The following SZT2 variants were observed in gnomAD, a reference collection of about 807,000 sequenced individuals.
SZT2 encodes SZT2 subunit of KICSTOR complex, also known as KICSTOR complex protein SZT2.
SZT2 carries 216 observed loss-of-function variants against 404.2 expected under a neutral mutation model. The ratio of observed to expected loss-of-function variants is 0.53; its 90% confidence interval spans 0.48 to 0.60. The LOEUF (loss-of-function observed/expected upper bound fraction) is 0.60, where lower values mean the gene tolerates loss of function less well. Ranked by LOEUF, SZT2 falls within the 20% of genes least tolerant of loss-of-function variation. The pLI is 0.00. For synonymous variants in SZT2, 1,693 were observed against 1,749.9 expected (o/e 0.97, Z 0.81); for missense variants, 3,857 against 4,459.2 (o/e 0.86, Z 3.85).
Position 43,419,861 on chromosome 1 carries a change from T to G in SZT2, c.1007T>G (p.Leu336Arg), listed in dbSNP as rs766418139. ...TGTCCTGAGCCGGAGCCAGGCAACC[T>G]GGGTCTGACTGTCTACCACCGGGCA... is the stretch of plus-strand genomic sequence containing the variant. ...STCPEPEPGN[L>R]GLTVYHRAFL... is the part of the protein sequence containing the mutation. The change falls in exon 8 of 72, where the codon CTG (leucine) becomes CGG (arginine). Residue 336 changes from leucine to arginine, a missense_variant. Leu to Arg is a moderately radical substitution (Grantham distance 102). Around this residue, in one of 7 missense-constraint regions of SZT2, gnomAD observed 536 missense variants for 637.4 expected, o/e 0.84. Coordinates refer to ENST00000634258, the MANE Select transcript of SZT2 (RefSeq NM_001365999.1). 7 of 1,598,354 alleles carry G rather than the reference T, an allele frequency of 4.4e-6. No homozygotes were observed. The East Asian group carries it at 1.1e-4, about 25-fold the overall frequency.
rs57476239 is a variant in SZT2, at chr1:43,392,083, CAAAAAAAAAAAAAAAAAAAAAAAAAAAAA to C, written c.27+2104_27+2132del. The stretch of plus-strand genomic sequence containing the variant: ...TGGGCGACAGAGCGAGACTCCGTCT[CAAAAAAAAAAAAAAAAAAAAAAAAAAAAA>C]AAAAAAAAAAAAAAATGAAACAAAT... On this transcript the variant is annotated intron_variant, in intron 1 of 71. Transcript: ENST00000634258. 1.8e-3 allele frequency among the ~76,000 whole-genome samples: 6 copies of C among 3,378 alleles called. 1 individual carries two copies. The highest frequency in any genetic ancestry group is 2.4e-3 in the Non-Finnish European group (5 of 2,052). The allele number at this position is 3,378 out of a possible 152,430, so 2.2% of individuals were successfully genotyped here.
In SZT2 at chr1:43,404,228, A is replaced by G. The variant is rs544815853; in HGVS notation, c.328-152A>G. The G allele has an allele frequency of 1.5e-5, 10 of 669,450 alleles. No individual in the cohort carries two copies. In the South Asian group the frequency reaches 2.0e-4, roughly 13 times the overall value. 41.5% of individuals were successfully genotyped at this position (669,450 alleles called of 1,614,324 possible). ...GTTTTGTTGTTTTTGTTTCCAAAAA[A>G]CACCCCAGAAACTGTTCCATGTGTG... On this transcript the variant is annotated intron_variant, in intron 3 of 71. Transcript: ENST00000634258.
chr1:43,437,531 G>A lies in SZT2; in HGVS notation c.6290+23G>A. 1.9e-6 allele frequency: 3 copies of A among 1,614,054 alleles called. No homozygotes were observed. Among genetic ancestry groups the A allele is most frequent in the Non-Finnish European group, 2.5e-6 (3 of 1,179,966 alleles). On this transcript the variant is annotated intron_variant, in intron 44 of 71. Transcript: ENST00000634258. The surrounding 1 kb of genome is among the most constrained non-coding windows in gnomAD (Gnocchi z 5.3). ...TCGGTATGTGGCCCTTGGAAGGTGG[G>A]TAGGGCATGAATTAAGGATGGCCTG... is the stretch of plus-strand genomic sequence containing the variant.
intron 66 of SZT2, among the ~76,000 whole-genome samples, 177 bp downstream of exon 66, chr1:43,447,345 AC>A (rs1655799588): frequency 6.6e-6 from 1 of 151,714 alleles, no homozygotes; most frequent in Non-Finnish European, 1.5e-5. Context: ...CAGAGTTTGG[AC>A]CCCATGTCAC....
At position 43,450,881 on chromosome 1, in the gene SZT2, G is replaced by A; in HGVS notation, c.*401G>A. The stretch of plus-strand genomic sequence containing the variant: ...CCACCTGTGTCCCTTGAGCCTTCGG[G>A]TCTTCACTTCCCACTTGGACATCAC... On this transcript the variant is annotated 3_prime_UTR_variant, in exon 72 of 72. Coordinates refer to ENST00000634258, the MANE Select transcript of SZT2 (RefSeq NM_001365999.1). This position sits in a 1 kb window ranked among gnomAD's most constrained non-coding sequence, Gnocchi z 4.3. The A allele has an allele frequency of 1.4e-6, 1 of 730,618 alleles. No individual in the cohort carries two copies. The highest frequency in any genetic ancestry group is 1.4e-5 in the South Asian group (1 of 73,472). 45.3% of individuals were successfully genotyped at this position (730,618 alleles called of 1,614,324 possible).
rs1357995353 is a variant in SZT2, at chr1:43,432,777, C to A, written c.5580C>A (p.Gly1860=). The A allele has an allele frequency of 6.2e-7, 1 of 1,613,848 alleles. No individual in the cohort carries two copies. The highest frequency in any genetic ancestry group is 8.5e-7 in the Non-Finnish European group (1 of 1,179,922). ...SRGLSLMSSQ[G]SVDSDHLGYD... ...GATTAAGTCTCATGTCCAGTCAGGGCAGTGTGGACTCAGACCACCTAGGTA... is the reference window on the plus strand; with the variant it reads ...GATTAAGTCTCATGTCCAGTCAGGGAAGTGTGGACTCAGACCACCTAGGTA... The change falls in exon 39 of 72, where the codon GGC becomes GGA. Residue 1860 remains glycine (G), a synonymous_variant. Transcript: ENST00000634258.
intron 1 of SZT2, among the ~76,000 whole-genome samples, chr1:43,399,327 A>G (rs764502542): frequency 6.6e-6 from 1 of 152,072 alleles, no homozygotes; most frequent in Non-Finnish European, 1.5e-5. Flanking sequence ...GCATCCTGGC[A>G]TTATCTCATC....
At chr1:43,394,852 C>T (rs1648805332) in intron 1 of SZT2, among the ~76,000 whole-genome samples, 1 of 150,252 alleles carries the variant, frequency 6.7e-6, no homozygotes, top group African/African-American at 2.5e-5. Context: ...GCACTGTAGC[C>T]TGGGCAACGA....
chr1:43,402,903 A>G (rs1649850672), intron 1 of SZT2, among the ~76,000 whole-genome samples: 1 of 152,208 alleles, frequency 6.6e-6, no homozygotes, highest in Admixed American at 6.5e-5. Flanking sequence ...AAAAGCTTAT[A>G]GTTTATAGGT....
rs772058586 is a variant in SZT2 at position 43,425,210 on chromosome 1, G to A, written c.2645+3G>A. 2 of 1,614,034 alleles carry A rather than the reference G, an allele frequency of 1.2e-6. No individual in the cohort carries two copies. The highest frequency in any genetic ancestry group is 1.3e-5 in the African/African-American group (1 of 74,940). ...CACTCTACCTCCACCAAAGACAGGT[G>A]AGACAGGCCATCTGTGAGGGCCGCC... On this transcript the variant is annotated splice_donor_region_variant and intron_variant, in intron 18 of 71. Transcript: ENST00000634258. The surrounding 1 kb of genome is among the most constrained non-coding windows in gnomAD (Gnocchi z 4.3).
chr1:43,408,438 A>C (rs761925322), intron 4 of SZT2, among the ~76,000 whole-genome samples: 2 of 151,244 alleles, frequency 1.3e-5, no homozygotes, highest in Non-Finnish European at 2.9e-5. Context: ...AATTGTTTTA[A>C]ATTTTTTTGT....
chr1:43,424,962 A>G lies in SZT2; in HGVS notation c.2550+100A>G. ...TTGGGACTGCTGGAAACTGCCTCAC[A>G]GGGACCCTGTGGCCAGAGGATGCTC... On this transcript the variant is annotated intron_variant, in intron 17 of 71. Transcript: ENST00000634258. The surrounding 1 kb of genome is among the most constrained non-coding windows in gnomAD (Gnocchi z 4.1). 6.7e-7 allele frequency: 1 copy of G among 1,500,174 alleles called. No individual in the cohort carries two copies. The highest frequency in any genetic ancestry group is 9.3e-7 in the Non-Finnish European group (1 of 1,080,898). 92.9% of individuals were successfully genotyped at this position (1,500,174 alleles called of 1,614,324 possible). A position where few individuals can be genotyped will look rare whatever the true frequency, so the allele number is the denominator to read the frequency against.
chr1:43,425,942 C>G lies in SZT2; in HGVS notation c.2922C>G (p.Val974=). 1 of 1,614,046 alleles carries G rather than the reference C, an allele frequency of 6.2e-7. No individual in the cohort carries two copies. The highest frequency in any genetic ancestry group is 8.5e-7 in the Non-Finnish European group (1 of 1,179,952). Reference sequence around the variant, plus strand: ...GTCCTCTGCCCCCAGAGCCGAGGGTCTCTGATGGTGAGTGGGGCAGGCGGC... The same window carrying G: ...GTCCTCTGCCCCCAGAGCCGAGGGTGTCTGATGGTGAGTGGGGCAGGCGGC... The part of the protein sequence containing the change: ...EWGPLPPEPR[V]SDGLDQGGDT... The change falls in exon 20 of 72, where the codon GTC becomes GTG. Residue 974 remains valine (V), a synonymous_variant. Transcript: ENST00000634258. The surrounding 1 kb of genome is among the most constrained non-coding windows in gnomAD (Gnocchi z 4.3).
intron 28 of SZT2, 97 bp from the exon 29 acceptor site, chr1:43,429,606 A>T: frequency 1.3e-6 from 2 of 1,498,928 alleles, no homozygotes; most frequent in South Asian, 1.2e-5. Flanking sequence ...CTTCCTGTGG[A>T]CAAAAAGGCT....
chr1:43,419,879 A>C lies in SZT2; in HGVS notation c.1025A>C (p.His342Pro). The change falls in exon 8 of 72, where the codon CAC becomes CCC. Residue 342 changes from histidine to proline, a missense_variant. His to Pro is a moderately conservative substitution (Grantham distance 77). Around this residue, in one of 7 missense-constraint regions of SZT2, gnomAD observed 536 missense variants for 637.4 expected, o/e 0.84. Coordinates refer to ENST00000634258, the MANE Select transcript of SZT2 (RefSeq NM_001365999.1). Reference sequence around the variant, plus strand: ...GGCAACCTGGGTCTGACTGTCTACCACCGGGCATTTCTCCTCTATTCCTTC... The same window carrying C: ...GGCAACCTGGGTCTGACTGTCTACCCCCGGGCATTTCTCCTCTATTCCTTC... ...EPGNLGLTVY[H>P]RAFLLYSFLR... is the part of the protein sequence containing the mutation. The C allele has an allele frequency of 6.3e-7, 1 of 1,598,432 alleles. No individual in the cohort carries two copies. The highest frequency in any genetic ancestry group is 8.5e-7 in the Non-Finnish European group (1 of 1,179,788).
chr1:43,434,386 G>C lies in SZT2; in HGVS notation c.5805G>C (p.Arg1935=). The C allele has an allele frequency of 6.3e-7, 1 of 1,591,182 alleles. No homozygotes were observed. Among genetic ancestry groups the C allele is most frequent in the Non-Finnish European group, 8.5e-7 (1 of 1,170,328 alleles). Residue 1935 remains arginine, a splice_region_variant and synonymous_variant, in exon 41 of 72, where the codon CGG becomes CGC. Transcript: ENST00000634258. ...TGGTCAGATTATCCTTCCTTCCCAGGAGCCTGATTCGGGAGGATGGGGGGC... is the reference window on the plus strand; with the variant it reads ...TGGTCAGATTATCCTTCCTTCCCAGCAGCCTGATTCGGGAGGATGGGGGGC... The part of the protein sequence containing the change: ...QDRVEVYAHA[R]SLIREDGGPG...
chr1:43,435,359 A>C (rs751041543), intron 42 of SZT2, 30 bp downstream of exon 42: 8 of 1,612,370 alleles, frequency 5.0e-6, no homozygotes, highest in Non-Finnish European at 6.8e-6. Flanking sequence ...CCTCCCTCAC[A>C]AGGCAGTGCT....
intron 7 of SZT2, among the ~76,000 whole-genome samples, chr1:43,419,115 G>A (rs548180169): frequency 2.6e-5 from 4 of 152,340 alleles, no homozygotes; most frequent in South Asian, 4.1e-4. Context: ...CACTTGGTCC[G>A]TCACAGCTAC....
chr1:43,445,827 G>A (rs1557599858), intron 62 of SZT2, 67 bp from the exon 63 acceptor site: 1 of 1,455,288 alleles, frequency 6.9e-7, no homozygotes, highest in African/African-American at 1.4e-5. Context: ...ACAGATTCTG[G>A]GTCTGATCAC....
Sources: allele counts gnomAD v4.1 joint callset (sites outside exome capture counted in the v4.1 genomes callset), GRCh38; gene constraint gnomAD v4.1.1; regional missense constraint gnomAD v4.1.1; non-coding constraint Gnocchi (gnomAD v3.1); transcripts MANE v1.5; gene names NCBI Gene and HGNC (gene_info 2026-07-23, HGNC 2026-07-21).